Variants in SACS observed in about 807,000 individuals in gnomAD.
The protein encoded by SACS is sacsin molecular chaperone.
A neutral mutation model predicts 348.0 loss-of-function variants in SACS; 197 were observed. That is an observed-to-expected ratio of 0.57 (90% CI 0.50 to 0.64). The LOEUF (loss-of-function observed/expected upper bound fraction) is 0.64. Among genes scored for constraint, SACS ranks in the 30% least tolerant of loss-of-function variants. SACS has a pLI of 0.00. For missense variants in SACS, 4,999 were observed against 5,360.8 expected (o/e 0.93, Z 2.11); for synonymous variants, 1,985 against 1,910.6 (o/e 1.04, Z -1.02).
At chr13:23,388,420 G>GTA (rs753388276) in intron 2 of SACS, among the ~76,000 whole-genome samples, 13,418 of 143,380 alleles carry the variant, frequency 0.094, 703 homozygotes, top group Middle Eastern at 0.15. Context: ...AATGGTGTGT[G>GTA]TGTATATATA....
chr13:23,379,961 CT>C (rs1593164107), intron 2 of SACS, among the ~76,000 whole-genome samples: 1 of 151,986 alleles, frequency 6.6e-6, no homozygotes, highest in East Asian at 1.9e-4. Flanking sequence ...CTTTTCTTCC[CT>C]CATTGTTTTT....
In SACS at chr13:23,331,483, C is replaced by T; in HGVS notation, c.12393G>A (p.Arg4131=). The T allele has an allele frequency of 6.2e-7, 1 of 1,614,004 alleles. No individual in the cohort carries two copies. The highest frequency in any genetic ancestry group is 8.5e-7 in the Non-Finnish European group (1 of 1,179,960). The change falls in exon 10 of 10, where the codon AGG becomes AGA. Residue 4131 remains arginine, a synonymous_variant. Transcript: ENST00000382292. ...CTAAACTGTCAAGTTTCTCACCAAT[C>T]CTGTAAATATCATTGCATCCTAGCA... ...IAMLGCNDIY[R]IGEKLDSLGV...
In SACS at chr13:23,337,182, T is replaced by G; in HGVS notation, c.6694A>C (p.Asn2232His). ...AACATGGTTTCAGGCTTAAAACTGT[T>G]GCCTTTCCAGTCCAAAGAAAAACCT... is the stretch of plus-strand genomic sequence containing the variant. Reference protein sequence around the residue: ...PAGFSLDWKGNSFKPETMFAA... With the variant: ...PAGFSLDWKGHSFKPETMFAA... Residue 2232 changes from asparagine (N) to histidine (H), a missense_variant, in exon 10 of 10, where the codon AAC becomes CAC. By Grantham distance (68) the Asn-to-His change is moderately conservative (BLOSUM62 1). Coordinates refer to ENST00000382292, the MANE Select transcript of SACS (RefSeq NM_014363.6). 2 of 1,614,026 alleles carry G rather than the reference T, an allele frequency of 1.2e-6. No individual in the cohort carries two copies. The highest frequency in any genetic ancestry group is 4.5e-5 in the East Asian group (2 of 44,872).
intron 2 of SACS, 158 bp from the exon 3 acceptor site, chr13:23,375,427 C>T (rs556504523): frequency 8.3e-7 from 1 of 1,202,192 alleles, no homozygotes; most frequent in Admixed American, 4.5e-5. Flanking sequence ...GCCGGCCCTA[C>T]CGCGTCCACA....
intron 1 of SACS, among the ~76,000 whole-genome samples, chr13:23,431,098 C>T (rs1874417233): frequency 6.6e-6 from 1 of 152,140 alleles, no homozygotes; most frequent in Non-Finnish European, 1.5e-5. Flanking sequence ...ATGGGGCTGC[C>T]TGTTTCATAA....
rs538735653 is a variant in SACS, at chr13:23,362,649, G to C, written c.457+2517C>G. Among the ~76,000 whole-genome samples the C allele has an allele frequency of 4.5e-4, 62 of 138,166 alleles. 1 individual carries two copies. In the South Asian group the frequency reaches 0.01, roughly 23 times the overall value. The allele number at this position is 138,166 out of a possible 152,430, so 90.6% of individuals were successfully genotyped here. On this transcript the variant is annotated intron_variant, in intron 6 of 9. Coordinates refer to ENST00000382292, the MANE Select transcript of SACS (RefSeq NM_014363.6). ...CACCCAGGCTGGAGTGCAGTGGCAA[G>C]ATCTCGGCTCACTGCAATCTCCACC...
At chr13:23,364,371 C>T (rs1566085747) in intron 6 of SACS, among the ~76,000 whole-genome samples, 1 of 152,126 alleles carries the variant, frequency 6.6e-6, no homozygotes, top group Non-Finnish European at 1.5e-5. Flanking sequence ...ACCTCCGCCT[C>T]CCGAGTTCAA....
chr13:23,369,861 CTTTT>C (rs879508762), intron 4 of SACS, among the ~76,000 whole-genome samples: 4 of 136,214 alleles, frequency 2.9e-5, no homozygotes, highest in South Asian at 2.4e-4. Flanking sequence ...ACTCACACTT[CTTTT>C]TTTTTTTTTT....
chr13:23,409,347 G>GC (rs1316491689), intron 2 of SACS, among the ~76,000 whole-genome samples: 1 of 137,234 alleles, frequency 7.3e-6, no homozygotes, highest in Non-Finnish European at 1.6e-5. Flanking sequence ...GAGCCACCGC[G>GC]CTGGCCGTTT....
Position 23,355,759 on chromosome 13 carries a change from T to C in SACS, c.853A>G (p.Asn285Asp). The change falls in exon 8 of 10, where the codon AAC becomes GAC. Residue 285 changes from asparagine (N) to aspartate (D), a missense_variant. By Grantham distance (23) the Asn-to-Asp change is conservative. Around this residue, in one of 6 missense-constraint regions of SACS, gnomAD observed 3,156 missense variants for 3,380.1 expected, o/e 0.93. Transcript: ENST00000382292. ...LRLQPSQLSS[N>D]LYNKQKVLEL... ...AGAACCTTCTGCTTATTGTAGAGGT[T>C]ACTACTAAGTTGTGAAGGTTGTAGG... 1 of 1,614,192 alleles carries C rather than the reference T, an allele frequency of 6.2e-7. No individual in the cohort carries two copies. The highest frequency in any genetic ancestry group is 8.5e-7 in the Non-Finnish European group (1 of 1,180,032).
intron 2 of SACS, among the ~76,000 whole-genome samples, chr13:23,410,730 T>C (rs1873445782): frequency 1.3e-5 from 2 of 152,286 alleles, no homozygotes; most frequent in African/African-American, 4.8e-5. Flanking sequence ...AAGCATATAT[T>C]CTTATAAGAT....
chr13:23,356,134 CTT>C (rs1870372249), intron 7 of SACS, 127 bp from the exon 8 acceptor site: 1 of 742,226 alleles, frequency 1.3e-6, no homozygotes, highest in South Asian at 1.8e-5. Context: ...TAAACACAAA[CTT>C]AATTTACCTT....
At position 23,336,263 on chromosome 13, in the gene SACS, G is replaced by A. The variant is rs1397645663; in HGVS notation, c.7613C>T (p.Ala2538Val). The A allele has an allele frequency of 1.4e-5, 22 of 1,613,926 alleles. No individual in the cohort carries two copies. The highest frequency in any genetic ancestry group is 1.7e-5 in the Non-Finnish European group (20 of 1,179,956). ...CAACATTTCCTTTTCAGAAGGATATGCATTAAGGATGCTCTTAATTCTGCT... is the reference window on the plus strand; with the variant it reads ...CAACATTTCCTTTTCAGAAGGATATACATTAAGGATGCTCTTAATTCTGCT... The part of the protein sequence containing the change: ...LTSRIKSILN[A>V]YPSEKEMLKE... The change falls in exon 10 of 10, where the codon GCA becomes GTA. Residue 2538 changes from alanine (A) to valine (V), a missense_variant. Coordinates refer to ENST00000382292, the MANE Select transcript of SACS (RefSeq NM_014363.6).
chr13:23,398,051 C>T (rs55989348), intron 2 of SACS, among the ~76,000 whole-genome samples: 23,042 of 150,924 alleles, frequency 0.15, 2,207 homozygotes, highest in Non-Finnish European at 0.21. Context: ...ATTAGCTGGG[C>T]GTGGTGATGC....
At chr13:23,422,662 CTT>C (rs66714128) in intron 1 of SACS, among the ~76,000 whole-genome samples, 8,109 of 143,400 alleles carry the variant, frequency 0.057, 379 homozygotes, top group African/African-American at 0.13. Flanking sequence ...TGTGGTGTTT[CTT>C]TTTTTTTTTT....
At chr13:23,374,922 G>C (rs527668119) in intron 3 of SACS, among the ~76,000 whole-genome samples, 197 bp downstream of exon 3, 105 of 152,304 alleles carry the variant, frequency 6.9e-4, no homozygotes, top group African/African-American at 2.5e-3. Context: ...ATGAAATGAT[G>C]GGTGGGGTTC....
At chr13:23,426,769 A>G (rs1433343372) in intron 1 of SACS, among the ~76,000 whole-genome samples, 1 of 152,202 alleles carries the variant, frequency 6.6e-6, no homozygotes, top group African/African-American at 2.4e-5. Context: ...TGAGTTTCTG[A>G]TTAGCCTTTC....
chr13:23,430,170 T>G (rs1349782450), intron 1 of SACS, among the ~76,000 whole-genome samples: 1 of 151,890 alleles, frequency 6.6e-6, no homozygotes, highest in East Asian at 1.9e-4. Context: ...ATTGCACCAC[T>G]GGCCTCCAGC....
chr13:23,418,601 G>T (rs1873781205), intron 1 of SACS, among the ~76,000 whole-genome samples: 1 of 152,116 alleles, frequency 6.6e-6, no homozygotes, highest in Admixed American at 6.6e-5. Flanking sequence ...CGCCTCCTGG[G>T]TTCTAGTGAT....
Sources: allele counts gnomAD v4.1 joint callset (sites outside exome capture counted in the v4.1 genomes callset), GRCh38; gene constraint gnomAD v4.1.1; regional missense constraint gnomAD v4.1.1; transcripts MANE v1.5; gene names NCBI Gene and HGNC (gene_info 2026-07-23, HGNC 2026-07-21).